Variants in RALYL observed in about 807,000 individuals in gnomAD.
The protein encoded by RALYL is RNA-binding Raly-like protein.
Under a neutral mutation model 35.1 loss-of-function variants are expected in RALYL, and 29 were observed. That is an observed-to-expected ratio of 0.83 (90% CI 0.61 to 1.13). RALYL has a LOEUF of 1.13. Ranked by LOEUF, RALYL falls within the 50% of genes most tolerant of loss-of-function variation. RALYL has a pLI of 0.00. For synonymous variants in RALYL, 120 were observed against 127.6 expected (o/e 0.94, Z 0.40); for missense variants, 359 against 360.4 (o/e 1.00, Z 0.03).
Position 84,862,233 on chromosome 8 carries a change from C to T in RALYL, c.414-63C>T, listed in dbSNP as rs753637131. 1.1e-5 allele frequency: 14 copies of T among 1,329,238 alleles called. No homozygotes were observed. In the South Asian group the frequency reaches 2.3e-4, roughly 22 times the overall value. The allele number at this position is 1,329,238 out of a possible 1,614,324, so 82.3% of individuals were successfully genotyped here. A position where few individuals can be genotyped will look rare whatever the true frequency, so the allele number is the denominator to read the frequency against. ...TACCAGGACATTCTGTTCAACATTTCACATATTTGATAGAACTCTCGGGCA... is the reference window on the plus strand; with the variant it reads ...TACCAGGACATTCTGTTCAACATTTTACATATTTGATAGAACTCTCGGGCA... On this transcript the variant is annotated intron_variant, in intron 5 of 8. Transcript: ENST00000521268.
intron 8 of RALYL, among the ~76,000 whole-genome samples, chr8:84,894,215 G>A (rs907123155): frequency 6.6e-6 from 1 of 152,108 alleles, no homozygotes; most frequent in Non-Finnish European, 1.5e-5. Context: ...CTTTCCTAAT[G>A]AAGTCCTTCA....
chr8:84,767,544 A>G (rs1039733016), intron 2 of RALYL, among the ~76,000 whole-genome samples: 5 of 152,172 alleles, frequency 3.3e-5, no homozygotes, highest in Admixed American at 1.3e-4. Context: ...AGATGGGTCT[A>G]TTCTCTGCTT....
chr8:84,724,174 G>A (rs934456864), intron 2 of RALYL, among the ~76,000 whole-genome samples: 9 of 151,812 alleles, frequency 5.9e-5, no homozygotes, highest in East Asian at 1.9e-4. Flanking sequence ...TTGTACCAGA[G>A]GGAGCCATAA....
chr8:84,633,734 A>G (rs1824432715), intron 2 of RALYL, among the ~76,000 whole-genome samples: 1 of 151,884 alleles, frequency 6.6e-6, no homozygotes, highest in Non-Finnish European at 1.5e-5. Context: ...TATGGGTCAT[A>G]TCACTTCTAA....
At chr8:84,242,097 A>C (rs1479862714) in intron 1 of RALYL, among the ~76,000 whole-genome samples, 1 of 152,148 alleles carries the variant, frequency 6.6e-6, no homozygotes, top group Non-Finnish European at 1.5e-5. Flanking sequence ...GTGAGAACAT[A>C]CAGTGTTTGG....
At chr8:84,505,190 G>A (rs711037) in intron 1 of RALYL, among the ~76,000 whole-genome samples, 138,377 of 152,168 alleles carry the variant, frequency 0.91, 62,992 homozygotes, top group East Asian at 1. Context: ...CCTTACCTCG[G>A]TTTAGTATCC....
At chr8:84,609,254 G>A (rs2130855520) in intron 2 of RALYL, among the ~76,000 whole-genome samples, 1 of 152,270 alleles carries the variant, frequency 6.6e-6, no homozygotes, top group African/African-American at 2.4e-5. Flanking sequence ...AGGGGTCTGA[G>A]TTTAATTCTG....
intron 2 of RALYL, among the ~76,000 whole-genome samples, chr8:84,661,158 G>A (rs2131651324): frequency 6.6e-6 from 1 of 152,082 alleles, no homozygotes; most frequent in South Asian, 2.1e-4. Flanking sequence ...TCGATCTCCT[G>A]ACCTCATGAT....
At chr8:84,400,610 G>A (rs1239996050) in intron 1 of RALYL, among the ~76,000 whole-genome samples, 1 of 152,096 alleles carries the variant, frequency 6.6e-6, no homozygotes, top group Non-Finnish European at 1.5e-5. Flanking sequence ...TTTCTAAATC[G>A]GGCTTTATAT....
chr8:84,237,511 C>T (rs865974538), intron 1 of RALYL, among the ~76,000 whole-genome samples: 16 of 150,666 alleles, frequency 1.1e-4, no homozygotes, highest in Admixed American at 4.0e-4. Flanking sequence ...CTTACCACTC[C>T]CTTTCTGGAA....
At chr8:84,436,450 A>G (rs1246092952) in intron 1 of RALYL, among the ~76,000 whole-genome samples, 1 of 151,794 alleles carries the variant, frequency 6.6e-6, no homozygotes, top group African/African-American at 2.4e-5. Flanking sequence ...TATATTGGGA[A>G]CTTCTCACAT....
chr8:84,639,463 G>A (rs571063651), intron 2 of RALYL, among the ~76,000 whole-genome samples: 1 of 152,002 alleles, frequency 6.6e-6, no homozygotes, highest in African/African-American at 2.4e-5. Flanking sequence ...ATCAAAAAAA[G>A]TGAGGAAAGG....
chr8:84,426,033 C>G (rs530211625), intron 1 of RALYL, among the ~76,000 whole-genome samples: 64 of 151,952 alleles, frequency 4.2e-4, no homozygotes, highest in Non-Finnish European at 8.5e-4. Flanking sequence ...TCTCTCATAT[C>G]TCCTTGAACT....
At position 84,304,847 on chromosome 8, in the gene RALYL, G is replaced by T. The variant is rs375207954; in HGVS notation, c.-24+120423G>T. The stretch of plus-strand genomic sequence containing the variant: ...AATTGAGCTTTGAGATATGTACATT[G>T]AGATAAGAATATTTATTCTGGAGAA... On this transcript the variant is annotated intron_variant, in intron 1 of 8. Coordinates refer to ENST00000521268, the MANE Select transcript of RALYL (RefSeq NM_173848.7). 2.7e-3 allele frequency among the ~76,000 whole-genome samples: 417 copies of T among 152,254 alleles called. 2 individuals are homozygous for T. The highest frequency in any genetic ancestry group is 9.4e-3 in the African/African-American group (391 of 41,558).
chr8:84,297,943 C>G (rs756286816), intron 1 of RALYL, among the ~76,000 whole-genome samples: 20 of 152,058 alleles, frequency 1.3e-4, no homozygotes, highest in Non-Finnish European at 2.5e-4. Flanking sequence ...AGCCCTTTGT[C>G]AGATGCCTAG....
chr8:84,529,892 A>C (rs2059162303), intron 2 of RALYL, among the ~76,000 whole-genome samples: 1 of 152,184 alleles, frequency 6.6e-6, no homozygotes, highest in African/African-American at 2.4e-5. Context: ...TCTGTCTTCC[A>C]GGAAACACTA....
chr8:84,661,072 G>T (rs1422047145), intron 2 of RALYL, among the ~76,000 whole-genome samples: 8 of 151,952 alleles, frequency 5.3e-5, no homozygotes, highest in African/African-American at 1.9e-4. Flanking sequence ...GGGACTACAG[G>T]CGCCCCCCAC....
At chr8:84,540,313 T>TTGTGTG (rs138650642) in intron 2 of RALYL, among the ~76,000 whole-genome samples, 83 of 144,974 alleles carry the variant, frequency 5.7e-4, no homozygotes, top group South Asian at 3.7e-3. Context: ...ATCATAGGAT[T>TTGTGTG]TGTGTGTGTG....
At chr8:84,570,185 C>CATTTTAACA (rs1807589439) in intron 2 of RALYL, among the ~76,000 whole-genome samples, 1 of 151,832 alleles carries the variant, frequency 6.6e-6, no homozygotes, top group African/African-American at 2.4e-5. Flanking sequence ...GCAGTATAAT[C>CATTTTAACA]ATTTTAACAA....
Sources: gnomAD v4.1 joint callset for allele counts (sites outside exome capture counted in the v4.1 genomes callset) on GRCh38, gnomAD v4.1.1 for gene constraint, MANE v1.5 for transcripts, NCBI Gene and HGNC (gene_info 2026-07-23, HGNC 2026-07-21) for gene names.